The following GRIK1 variants were observed in gnomAD, a reference collection of about 807,000 sequenced individuals.
The protein encoded by GRIK1 is glutamate ionotropic receptor kainate type subunit 1.
A neutral mutation model predicts 105.7 loss-of-function variants in GRIK1; 69 were observed. The observed-to-expected ratio is 0.65, with a 90% CI of 0.54 to 0.80. The LOEUF is 0.80. Among genes scored for constraint, GRIK1 ranks in the 30% least tolerant of loss-of-function variants. GRIK1 has a pLI of 0.00. For missense variants in GRIK1, 1,109 were observed against 1,167.3 expected, an observed-to-expected ratio of 0.95 and a Z score of 0.73; for synonymous variants, 438 against 431.3, an observed-to-expected ratio of 1.02 and a Z score of -0.19.
chr21:29,704,558 T>C (rs929712604), intron 1 of GRIK1, among the ~76,000 whole-genome samples: 3 of 152,194 alleles, frequency 2.0e-5, no homozygotes, highest in African/African-American at 4.8e-5. Flanking sequence ...TAGTATGTTG[T>C]CCCCAGTAAA....
chr21:29,664,634 C>T (rs1030696543), intron 4 of GRIK1, among the ~76,000 whole-genome samples: 1 of 151,814 alleles, frequency 6.6e-6, no homozygotes, highest in Non-Finnish European at 1.5e-5. Context: ...AAATCTGGCA[C>T]ATAATTTGGC....
rs1001031584 is a variant in GRIK1, at chr21:29,729,284, C to T, written c.119-35221G>A. 4.6e-5 allele frequency among the ~76,000 whole-genome samples: 7 copies of T among 151,970 alleles called. No individual in the cohort carries two copies. In the South Asian group the frequency reaches 6.2e-4, roughly 14 times the overall value. On this transcript the variant is annotated intron_variant, in intron 1 of 17. Coordinates refer to ENST00000327783, the MANE Select transcript of GRIK1 (RefSeq NM_001330994.2). ...CTGGGCATTTCTTATTATTTCATGC[C>T]GGAAGAAGCCCTAGTCAGCAGAAAA...
chr21:29,925,865 T>C (rs1260391076), intron 1 of GRIK1, among the ~76,000 whole-genome samples: 2 of 152,232 alleles, frequency 1.3e-5, no homozygotes, highest in African/African-American at 4.8e-5. Flanking sequence ...TTCCCTTGTA[T>C]GCACATGTAC....
At chr21:29,875,557 A>T (rs190893565) in intron 1 of GRIK1, among the ~76,000 whole-genome samples, 2 of 152,250 alleles carry the variant, frequency 1.3e-5, no homozygotes, top group African/African-American at 4.8e-5. Context: ...GCTTCCACTG[A>T]GGGAAGCACC....
intron 7 of GRIK1, among the ~76,000 whole-genome samples, chr21:29,633,463 A>G (rs1197880428): frequency 6.6e-6 from 1 of 152,078 alleles, no homozygotes; most frequent in Non-Finnish European, 1.5e-5. Context: ...GCACCACTGC[A>G]CTCCAGCTTG....
chr21:29,580,191 G>A (rs2090997852), intron 13 of GRIK1, among the ~76,000 whole-genome samples: 2 of 148,430 alleles, frequency 1.3e-5, no homozygotes, highest in African/African-American at 4.9e-5. Flanking sequence ...ATTTTCTAAT[G>A]TCAGAGAAGA....
chr21:29,778,915 C>T (rs543574728), intron 1 of GRIK1, among the ~76,000 whole-genome samples: 14 of 151,184 alleles, frequency 9.3e-5, no homozygotes, highest in South Asian at 2.1e-4. Flanking sequence ...GAGGGCTTTT[C>T]GAAAAAAAGG....
intron 1 of GRIK1, among the ~76,000 whole-genome samples, chr21:29,715,211 A>G (rs564831625): frequency 3.9e-5 from 6 of 152,282 alleles, no homozygotes; most frequent in African/African-American, 1.4e-4. Context: ...TTGAGCTACA[A>G]TTGCCCTCAA....
intron 14 of GRIK1, among the ~76,000 whole-genome samples, chr21:29,562,787 C>G (rs1176917342): frequency 6.6e-6 from 1 of 151,858 alleles, no homozygotes; most frequent in Non-Finnish European, 1.5e-5. Flanking sequence ...ATATATTTGT[C>G]TTTTCTCATA....
intron 7 of GRIK1, chr21:29,601,239 C>G (rs761760503): frequency 2.0e-6 from 1 of 509,774 alleles, no homozygotes. Flanking sequence ...GCTGAAACAG[C>G]GGCCTTCACC....
At chr21:29,659,030 C>T (rs363571) in intron 4 of GRIK1, among the ~76,000 whole-genome samples, 7,356 of 152,230 alleles carry the variant, frequency 0.048, 269 homozygotes, top group Non-Finnish European at 0.074. Flanking sequence ...GTCAAAATTA[C>T]GGGTCTTCCA....
Position 29,772,180 on chromosome 21 carries a change from C to T in GRIK1, c.119-78117G>A, listed in dbSNP as rs537660131. ...TTCGAAATGGAAATGTTTAAACACT[C>T]TTGGCTGTTTTTTATTGAAATACGT... On this transcript the variant is annotated intron_variant, in intron 1 of 17. Coordinates refer to ENST00000327783, the MANE Select transcript of GRIK1 (RefSeq NM_001330994.2). Among the ~76,000 whole-genome samples the T allele has an allele frequency of 5.3e-5, 8 of 152,164 alleles. 1 individual carries two copies. The South Asian group carries it at 1.7e-3, about 32-fold the overall frequency.
At chr21:29,673,226 C>T in intron 3 of GRIK1, 62 bp from the exon 4 acceptor site, 1 of 1,157,286 alleles carries the variant, frequency 8.6e-7, no homozygotes, top group Non-Finnish European at 1.3e-6. Flanking sequence ...TTGTTTATTG[C>T]CATTTAGTTA....
chr21:29,844,309 C>T (rs952308355), intron 1 of GRIK1, among the ~76,000 whole-genome samples: 10 of 152,114 alleles, frequency 6.6e-5, no homozygotes, highest in Non-Finnish European at 1.5e-4. Context: ...AAATATCTGA[C>T]GTCAGCTAAC....
At chr21:29,915,112 T>C (rs894209682) in intron 1 of GRIK1, among the ~76,000 whole-genome samples, 1 of 152,088 alleles carries the variant, frequency 6.6e-6, no homozygotes, top group Non-Finnish European at 1.5e-5. Flanking sequence ...TAGAAAATTC[T>C]TCATGTATAT....
At chr21:29,809,941 T>G (rs980060077) in intron 1 of GRIK1, among the ~76,000 whole-genome samples, 1 of 152,114 alleles carries the variant, frequency 6.6e-6, no homozygotes, top group Admixed American at 6.6e-5. Flanking sequence ...CACACAACAT[T>G]TATCAATTAA....
At chr21:29,858,482 G>C (rs189326467) in intron 1 of GRIK1, among the ~76,000 whole-genome samples, 1 of 152,094 alleles carries the variant, frequency 6.6e-6, no homozygotes, top group Non-Finnish European at 1.5e-5. Context: ...GTGACTCCCC[G>C]GCGGCTGTTC....
At chr21:29,672,331 TCTTAAA>T (rs1464981718) in intron 4 of GRIK1, among the ~76,000 whole-genome samples, 2 of 152,314 alleles carry the variant, frequency 1.3e-5, no homozygotes, top group African/African-American at 2.4e-5. Context: ...GAATTTACTT[TCTTAAA>T]CTTAAGACCA....
At chr21:29,656,223 G>A (rs1309022570) in intron 4 of GRIK1, among the ~76,000 whole-genome samples, 4 of 151,246 alleles carry the variant, frequency 2.6e-5, no homozygotes, top group Non-Finnish European at 4.4e-5. Context: ...TTAGCCAGGC[G>A]TGGTGGCGGG....
Sources: gnomAD v4.1 joint callset for allele counts (sites outside exome capture counted in the v4.1 genomes callset) on GRCh38, gnomAD v4.1.1 for gene constraint, MANE v1.5 for transcripts, NCBI Gene and HGNC (gene_info 2026-07-23, HGNC 2026-07-21) for gene names.